Variants in ZNF385B observed in about 807,000 individuals in gnomAD.
ZNF385B encodes the protein zinc finger protein 533.
ZNF385B carries 23 observed loss-of-function variants against 39.2 expected under a neutral mutation model. The ratio of observed to expected loss-of-function variants is 0.59; its 90% CI spans 0.42 to 0.83. The LOEUF is 0.83. Among genes scored for constraint, ZNF385B ranks in the 40% least tolerant of loss-of-function variants. ZNF385B has a pLI of 0.00. For missense variants in ZNF385B, 552 were observed against 598.9 expected (o/e 0.92, Z 0.82); for synonymous variants, 205 against 222.6 (o/e 0.92, Z 0.70).
intron 5 of ZNF385B, among the ~76,000 whole-genome samples, chr2:179,512,313 A>G (rs1403950815): frequency 6.6e-6 from 1 of 152,208 alleles, no homozygotes; most frequent in Non-Finnish European, 1.5e-5. Flanking sequence ...TTGTGTAAGA[A>G]TCTGTTTAAG....
At chr2:179,757,853 C>A (rs1410223431) in intron 3 of ZNF385B, among the ~76,000 whole-genome samples, 1 of 152,124 alleles carries the variant, frequency 6.6e-6, no homozygotes, top group Non-Finnish European at 1.5e-5. Context: ...TTCCAGGTGC[C>A]ATCTGTCACA....
intron 4 of ZNF385B, among the ~76,000 whole-genome samples, chr2:179,527,898 TAATA>T (rs2059008382): frequency 6.6e-6 from 1 of 152,172 alleles, no homozygotes; most frequent in South Asian, 2.1e-4. Flanking sequence ...ATCTCTAACA[TAATA>T]AATAAGGTAT....
intron 3 of ZNF385B, among the ~76,000 whole-genome samples, chr2:179,640,166 G>C (rs1206748893): frequency 3.3e-5 from 5 of 152,124 alleles, no homozygotes; most frequent in East Asian, 1.9e-4. Flanking sequence ...ATTAAATGTA[G>C]AGCGTAATCC....
intron 6 of ZNF385B, among the ~76,000 whole-genome samples, chr2:179,463,937 CA>C: frequency 6.6e-6 from 1 of 152,116 alleles, no homozygotes; most frequent in East Asian, 1.9e-4. Context: ...CACTGTCTTC[CA>C]ATGGTTGAAC....
intron 3 of ZNF385B, among the ~76,000 whole-genome samples, chr2:179,654,811 T>C (rs560046082): frequency 2.0e-5 from 3 of 152,326 alleles, no homozygotes; most frequent in South Asian, 4.1e-4. Flanking sequence ...CAATGCTACA[T>C]GGATTAGAGA....
chr2:179,468,193 T>C (rs894163207), intron 6 of ZNF385B, among the ~76,000 whole-genome samples: 3 of 152,238 alleles, frequency 2.0e-5, no homozygotes, highest in Non-Finnish European at 4.4e-5. Flanking sequence ...GCTGGCAGCC[T>C]ACCTTCTGTA....
rs554514104 is a variant in ZNF385B, at chr2:179,525,271, A to C, written c.442-6633T>G. On this transcript the variant is annotated intron_variant, in intron 4 of 9. Transcript: ENST00000410066. ...GGAAGGTTGCTGCCTACACAAACCT[A>C]AGGTGCTTAAGGAAAAGTTTTCTGG... Among the ~76,000 whole-genome samples, 8 of 152,298 alleles carry C rather than the reference A, an allele frequency of 5.3e-5. No individual in the cohort carries two copies. The South Asian group carries it at 1.2e-3, about 24-fold the overall frequency.
chr2:179,485,105 T>C (rs1574383200), intron 5 of ZNF385B, among the ~76,000 whole-genome samples: 1 of 152,294 alleles, frequency 6.6e-6, no homozygotes, highest in East Asian at 1.9e-4. Context: ...CTGCAACAGC[T>C]ATTTATTACA....
At chr2:179,772,464 T>C (rs1373733208) in intron 1 of ZNF385B, among the ~76,000 whole-genome samples, 1 of 152,178 alleles carries the variant, frequency 6.6e-6, no homozygotes, top group Non-Finnish European at 1.5e-5. Flanking sequence ...CACTTCCCTC[T>C]TTCTCAGGGG....
chr2:179,542,920 T>C (rs62179172), intron 4 of ZNF385B, among the ~76,000 whole-genome samples: 20,048 of 152,172 alleles, frequency 0.13, 1,494 homozygotes, highest in Non-Finnish European at 0.16. Flanking sequence ...CCTCAAATGC[T>C]AAAGTTTTAT....
chr2:179,731,135 A>G (rs573645947), intron 3 of ZNF385B, among the ~76,000 whole-genome samples: 7 of 152,268 alleles, frequency 4.6e-5, no homozygotes, highest in Non-Finnish European at 1.0e-4. Flanking sequence ...TACTGTTCCC[A>G]CTTTGTAAAA....
At chr2:179,778,548 G>A (rs909784576) in intron 1 of ZNF385B, among the ~76,000 whole-genome samples, 1 of 152,158 alleles carries the variant, frequency 6.6e-6, no homozygotes, top group Admixed American at 6.5e-5. Context: ...AATATTTTCA[G>A]TTCTTTGAAT....
intron 3 of ZNF385B, among the ~76,000 whole-genome samples, chr2:179,745,326 T>C (rs1015951228): frequency 3.3e-5 from 5 of 152,170 alleles, no homozygotes; most frequent in African/African-American, 1.2e-4. Context: ...TTCTACAAAG[T>C]ACATTTTGTT....
chr2:179,803,967 AG>A (rs1448917359), intron 1 of ZNF385B, among the ~76,000 whole-genome samples: 1 of 152,222 alleles, frequency 6.6e-6, no homozygotes, highest in Non-Finnish European at 1.5e-5. Context: ...AACTCAACTC[AG>A]GCTTGGAGAG....
At chr2:179,509,232 CT>C (rs528177621) in intron 5 of ZNF385B, among the ~76,000 whole-genome samples, 7 of 151,960 alleles carry the variant, frequency 4.6e-5, no homozygotes, top group Non-Finnish European at 7.4e-5. Context: ...CTAGTCTTTT[CT>C]TTTTTTTCAT....
At chr2:179,592,292 A>C (rs528162148) in intron 3 of ZNF385B, among the ~76,000 whole-genome samples, 22 of 152,288 alleles carry the variant, frequency 1.4e-4, no homozygotes, top group South Asian at 4.1e-4. Context: ...GGAAAAAAAA[A>C]CCCTGTTCAT....
intron 3 of ZNF385B, among the ~76,000 whole-genome samples, chr2:179,694,954 G>GA (rs1698618277): frequency 9.3e-6 from 1 of 107,346 alleles, no homozygotes; most frequent in Admixed American, 9.1e-5. Flanking sequence ...AAAAAAGAAA[G>GA]AAGAGGAGGA....
intron 3 of ZNF385B, among the ~76,000 whole-genome samples, chr2:179,582,238 A>G (rs770388237): frequency 2.0e-5 from 3 of 152,214 alleles, no homozygotes; most frequent in Non-Finnish European, 4.4e-5. Flanking sequence ...CCCCTGATCT[A>G]TTAATCTCAC....
intron 3 of ZNF385B, among the ~76,000 whole-genome samples, chr2:179,595,060 C>A (rs1687886252): frequency 1.3e-5 from 2 of 151,816 alleles, no homozygotes; most frequent in Non-Finnish European, 2.9e-5. Context: ...AAGATAAATG[C>A]CAATAAAAAT....
Sources: allele counts gnomAD v4.1 joint callset (sites outside exome capture counted in the v4.1 genomes callset), GRCh38; gene constraint gnomAD v4.1.1; transcripts MANE v1.5; gene names NCBI Gene and HGNC (gene_info 2026-07-23, HGNC 2026-07-21).